BLTP2: variants seen among roughly 807,000 people sequenced by gnomAD.
BLTP2 encodes U937-associated antigen.
the BLTP2 span, chr17:28,615,053 G>A: frequency 5.7e-4 from 922 of 1,610,030 alleles, 3 homozygotes; most frequent in African/African-American, 0.011. Context: ...GCAGCCACTC[G>A]AATCGCCAAA....
chr17:28,631,974 G>T, the BLTP2 span: 1 of 1,607,930 alleles, frequency 6.2e-7, no homozygotes, highest in Non-Finnish European at 8.5e-7. Flanking sequence ...GGATGATTAA[G>T]GGACTCAATA....
chr17:28,633,706 G>A, the BLTP2 span: 1 of 1,614,038 alleles, frequency 6.2e-7, no homozygotes, highest in Non-Finnish European at 8.5e-7. Flanking sequence ...TGTCCAGGCT[G>A]GATCCCAGCA....
At chr17:28,643,203 T>C in the BLTP2 span, 23 of 1,614,146 alleles carry the variant, frequency 1.4e-5, no homozygotes, top group Non-Finnish European at 1.9e-5. Flanking sequence ...TGAAGGACAG[T>C]TCCTTTTGAT....
chr17:28,619,240 A>G, the BLTP2 span, among the ~76,000 whole-genome samples: 1 of 152,042 alleles, frequency 6.6e-6, no homozygotes, highest in Non-Finnish European at 1.5e-5. Flanking sequence ...CTGTATACTG[A>G]TCAACTTCAA....
the BLTP2 span, chr17:28,637,930 A>G: frequency 6.2e-7 from 1 of 1,614,226 alleles, no homozygotes; most frequent in Non-Finnish European, 8.5e-7. Context: ...AAGAGTGCCT[A>G]GAGACAGCTG....
the BLTP2 span, chr17:28,624,103 C>G: frequency 3.0e-6 from 4 of 1,329,432 alleles, no homozygotes; most frequent in East Asian, 9.2e-5. Flanking sequence ...GAAGTGATTA[C>G]CTATGATACC....
the BLTP2 span, chr17:28,640,467 G>C: frequency 7.5e-7 from 1 of 1,339,838 alleles, no homozygotes; most frequent in Non-Finnish European, 1.1e-6. Flanking sequence ...TCTCCCCGTA[G>C]ACAAGCTCAG....
the BLTP2 span, chr17:28,621,644 G>A: frequency 1.6e-6 from 1 of 644,620 alleles, no homozygotes; most frequent in Non-Finnish European, 2.8e-6. Flanking sequence ...ATATCTCCCA[G>A]GATAGAGGAC....
chr17:28,634,366 C>T, the BLTP2 span: 1 of 799,746 alleles, frequency 1.3e-6, no homozygotes, highest in Non-Finnish European at 2.0e-6. Context: ...AATTCAGGAA[C>T]AAAGAAAGGG....
the BLTP2 span, chr17:28,641,895 AG>A: frequency 6.2e-7 from 1 of 1,606,520 alleles, no homozygotes; most frequent in Non-Finnish European, 8.5e-7. Context: ...TTACCTGAAC[AG>A]GGAACAGGCT....
chr17:28,642,605 C>A, the BLTP2 span: 1 of 559,208 alleles, frequency 1.8e-6, no homozygotes, highest in Admixed American at 3.1e-5. Flanking sequence ...GAGCCAAGAC[C>A]GCACCACTGC....
At chr17:28,644,906 C>A in the BLTP2 span, 2 of 1,250,820 alleles carry the variant, frequency 1.6e-6, no homozygotes, top group Non-Finnish European at 1.1e-6. Context: ...AAGGCGCGCG[C>A]CCCCTCCTCA....
the BLTP2 span, chr17:28,617,005 GGATAGA>G: frequency 1.5e-4 from 234 of 1,601,424 alleles, 1 homozygote; most frequent in East Asian, 5.2e-3. Flanking sequence ...ACTACCTGTA[GGATAGA>G]GAGTAAAGAA....
the BLTP2 span, chr17:28,637,846 A>AT: frequency 6.2e-7 from 1 of 1,613,962 alleles, no homozygotes; most frequent in Non-Finnish European, 8.5e-7. Flanking sequence ...CAACCAAGGC[A>AT]GAAAGGGTAA....
chr17:28,615,068 T>C, the BLTP2 span: 1 of 1,613,080 alleles, frequency 6.2e-7, no homozygotes, highest in Non-Finnish European at 8.5e-7. Context: ...GCCAAATCAT[T>C]TGCGCCTGCC....
At chr17:28,618,161 G>T in the BLTP2 span, among the ~76,000 whole-genome samples, 2 of 152,048 alleles carry the variant, frequency 1.3e-5, no homozygotes, top group Non-Finnish European at 2.9e-5. Context: ...TTCAGCTCCT[G>T]ACCTCAGGTG....
chr17:28,619,463 G>T, the BLTP2 span, among the ~76,000 whole-genome samples: 1 of 149,904 alleles, frequency 6.7e-6, no homozygotes, highest in Non-Finnish European at 1.5e-5. Context: ...AGACCACTTT[G>T]TCTCTAAAAA....
chr17:28,639,598 T>C, the BLTP2 span: 2 of 1,614,030 alleles, frequency 1.2e-6, no homozygotes, highest in Admixed American at 3.3e-5. Context: ...TTGAGGGAGT[T>C]GAGGCAGACA....
the BLTP2 span, among the ~76,000 whole-genome samples, chr17:28,623,242 T>C: frequency 6.6e-6 from 1 of 152,278 alleles, no homozygotes; most frequent in Non-Finnish European, 1.5e-5. Context: ...GAGGGTGAAG[T>C]ATCAATTCCA....
Sources: gnomAD v4.1 joint callset for allele counts (sites outside exome capture counted in the v4.1 genomes callset) on GRCh38, gnomAD v4.1.1 for gene constraint, MANE v1.5 for transcripts, NCBI Gene and HGNC (gene_info 2026-07-23, HGNC 2026-07-21) for gene names.